Variants in TANC1 observed in about 807,000 individuals in gnomAD.
TANC1 encodes the protein protein TANC1.
A neutral mutation model predicts 149.7 loss-of-function variants in TANC1; 77 were observed. The ratio of observed to expected loss-of-function variants is 0.51; its 90% CI spans 0.43 to 0.62. The LOEUF (loss-of-function observed/expected upper bound fraction) is 0.62. Ranked by LOEUF, TANC1 falls within the 20% of genes least tolerant of loss-of-function variation. The pLI is 0.00. For synonymous variants in TANC1, 854 were observed against 925.0 expected (o/e 0.92, Z 1.39); for missense variants, 1,985 against 2,321.8 (o/e 0.85, Z 2.98).
intron 2 of TANC1, among the ~76,000 whole-genome samples, chr2:159,024,042 G>C (rs1279029707): frequency 1.3e-5 from 2 of 151,838 alleles, no homozygotes; most frequent in Non-Finnish European, 2.9e-5. Flanking sequence ...CTACCAACCA[G>C]CTTCACAAAT....
intron 4 of TANC1, among the ~76,000 whole-genome samples, chr2:159,110,441 A>G (rs2047609625): frequency 6.6e-6 from 1 of 152,112 alleles, no homozygotes; most frequent in Non-Finnish European, 1.5e-5. Flanking sequence ...CTGAGAAATA[A>G]ATTGTTGTTT....
At chr2:159,168,033 T>C (rs957114876) in intron 8 of TANC1, among the ~76,000 whole-genome samples, 1 of 152,138 alleles carries the variant, frequency 6.6e-6, no homozygotes, top group African/African-American at 2.4e-5. Context: ...CCCTCTAGGC[T>C]CTCATTTGCC....
At chr2:159,042,005 C>A (rs556333503) in intron 2 of TANC1, among the ~76,000 whole-genome samples, 4 of 152,150 alleles carry the variant, frequency 2.6e-5, no homozygotes, top group Non-Finnish European at 4.4e-5. Context: ...ATGTAGGGTT[C>A]TCCTCTGTGC....
At chr2:159,018,196 G>A (rs264619) in intron 2 of TANC1, among the ~76,000 whole-genome samples, 2 of 151,910 alleles carry the variant, frequency 1.3e-5, no homozygotes, top group African/African-American at 2.4e-5. Context: ...CCAACTGCTC[G>A]AGACAGGTAT....
intron 4 of TANC1, among the ~76,000 whole-genome samples, chr2:159,110,922 C>A (rs1412908382): frequency 2.0e-5 from 3 of 152,164 alleles, no homozygotes; most frequent in Admixed American, 6.5e-5. Flanking sequence ...GGCTTTGTTC[C>A]CTGGGAATAG....
chr2:159,123,198 G>A (rs182294993), intron 4 of TANC1, among the ~76,000 whole-genome samples: 1 of 152,318 alleles, frequency 6.6e-6, no homozygotes, highest in East Asian at 1.9e-4. Flanking sequence ...GAGCAGGTAG[G>A]TGTGAGGATG....
intron 3 of TANC1, among the ~76,000 whole-genome samples, chr2:159,070,177 A>G (rs2043020668): frequency 6.6e-6 from 1 of 152,142 alleles, no homozygotes; most frequent in Non-Finnish European, 1.5e-5. Context: ...GAATAACCTG[A>G]TTCATTATTT....
At chr2:159,100,022 CAA>C (rs2046517309) in intron 4 of TANC1, among the ~76,000 whole-genome samples, 1 of 152,150 alleles carries the variant, frequency 6.6e-6, no homozygotes, top group Non-Finnish European at 1.5e-5. Flanking sequence ...TGCTTGAGGA[CAA>C]ACAAGATGTC....
intron 1 of TANC1, among the ~76,000 whole-genome samples, chr2:158,984,469 T>G (rs2034783836): frequency 6.6e-6 from 1 of 152,224 alleles, no homozygotes; most frequent in African/African-American, 2.4e-5. Flanking sequence ...AAAGTTACCA[T>G]GAAGGTGGTA....
At chr2:158,981,815 A>G (rs2034422617) in intron 1 of TANC1, among the ~76,000 whole-genome samples, 1 of 151,814 alleles carries the variant, frequency 6.6e-6, no homozygotes, top group Non-Finnish European at 1.5e-5. Context: ...TTATTTTTAA[A>G]ACACATTTAG....
intron 8 of TANC1, among the ~76,000 whole-genome samples, chr2:159,165,789 G>A (rs2150422430): frequency 1.3e-5 from 2 of 152,316 alleles, no homozygotes; most frequent in South Asian, 4.1e-4. Flanking sequence ...AGGTGTTTTG[G>A]CATATGAGGA....
chr2:159,209,888 G>A (rs1366779509), intron 19 of TANC1, among the ~76,000 whole-genome samples: 1 of 152,134 alleles, frequency 6.6e-6, no homozygotes, highest in Non-Finnish European at 1.5e-5. Flanking sequence ...ACATTTGTGA[G>A]GACCCTGCTG....
At chr2:159,115,249 G>A (rs1466241845) in intron 4 of TANC1, among the ~76,000 whole-genome samples, 1 of 151,890 alleles carries the variant, frequency 6.6e-6, no homozygotes, top group Non-Finnish European at 1.5e-5. Flanking sequence ...GTTTTATTTT[G>A]GCAGTGATGT....
intron 4 of TANC1, among the ~76,000 whole-genome samples, chr2:159,105,446 G>C (rs1175480255): frequency 2.0e-5 from 3 of 152,104 alleles, no homozygotes; most frequent in Admixed American, 2.0e-4. Context: ...TCACGTTGTT[G>C]TACAACCCAT....
At chr2:159,147,509 C>T (rs2052268466) in intron 5 of TANC1, 1 of 152,372 alleles carries the variant, frequency 6.6e-6, no homozygotes, top group Non-Finnish European at 1.5e-5. Flanking sequence ...TTCCCGCCCT[C>T]CTTTCCCAAA....
chr2:159,222,222 C>T (rs1407693370), intron 22 of TANC1, among the ~76,000 whole-genome samples: 1 of 152,208 alleles, frequency 6.6e-6, no homozygotes, highest in African/African-American at 2.4e-5. Context: ...AGGAGCTTAG[C>T]ATTCCAACAT....
At chr2:159,169,864 G>A (rs2055008655) in intron 9 of TANC1, among the ~76,000 whole-genome samples, 1 of 152,020 alleles carries the variant, frequency 6.6e-6, no homozygotes, top group African/African-American at 2.4e-5. Flanking sequence ...ATGGTGGCAG[G>A]TACCTGTAAT....
At chr2:159,054,050 G>T (rs146907014) in intron 2 of TANC1, among the ~76,000 whole-genome samples, 1 of 152,192 alleles carries the variant, frequency 6.6e-6, no homozygotes, top group Non-Finnish European at 1.5e-5. Flanking sequence ...TGTGTGAGCC[G>T]TGTGTATGTT....
intron 2 of TANC1, among the ~76,000 whole-genome samples, chr2:159,020,099 TGACTA>T (rs1438012111): frequency 2.0e-5 from 3 of 152,214 alleles, no homozygotes; most frequent in Non-Finnish European, 4.4e-5. Context: ...TTAACAATTC[TGACTA>T]GAATAGGACT....
Sources: gnomAD v4.1 joint callset for allele counts (sites outside exome capture counted in the v4.1 genomes callset) on GRCh38, gnomAD v4.1.1 for gene constraint, MANE v1.5 for transcripts, NCBI Gene and HGNC (gene_info 2026-07-23, HGNC 2026-07-21) for gene names.